CLPTM1: variants seen among roughly 807,000 people sequenced by gnomAD.
The protein encoded by CLPTM1 is putative lipid scramblase CLPTM1.
A neutral mutation model predicts 77.3 loss-of-function variants in CLPTM1; 21 were observed. That is an observed-to-expected ratio of 0.27 (90% CI 0.19 to 0.39). The LOEUF is 0.39. Among genes scored for constraint, CLPTM1 ranks in the 10% least tolerant of loss-of-function variants. CLPTM1 has a pLI of 1.00. For missense variants in CLPTM1, 642 were observed against 921.2 expected (o/e 0.70, Z 3.92); for synonymous variants, 373 against 381.0 (o/e 0.98, Z 0.24).
intron 2 of CLPTM1, among the ~76,000 whole-genome samples, chr19:44,962,755 C>G (rs868655959): frequency 6.6e-6 from 1 of 151,996 alleles, no homozygotes; most frequent in African/African-American, 2.4e-5. Context: ...CATAGTAAGA[C>G]CCTGTCTCTA....
chr19:44,954,830 G>A (rs1970431086), upstream of CLPTM1: 1 of 1,198,998 alleles, frequency 8.3e-7, no homozygotes, highest in African/African-American at 1.5e-5. Context: ...TAAAAACACA[G>A]AAAGGATATG....
chr19:44,970,484 C>T (rs1970701032), intron 2 of CLPTM1, among the ~76,000 whole-genome samples: 2 of 140,872 alleles, frequency 1.4e-5, no homozygotes, highest in South Asian at 4.6e-4. Context: ...ACTGCAGCCT[C>T]GACCTCCTGG....
chr19:44,992,901 A>T lies in CLPTM1; in HGVS notation c.*4A>T, dbSNP rs1382817590. 1 of 1,612,756 alleles carries T rather than the reference A, an allele frequency of 6.2e-7. No individual in the cohort carries two copies. Among genetic ancestry groups the T allele is most frequent in the South Asian group, 1.1e-5 (1 of 91,026 alleles). On this transcript the variant is annotated 3_prime_UTR_variant, in exon 14 of 14. Coordinates refer to ENST00000337392, the MANE Select transcript of CLPTM1 (RefSeq NM_001294.4). The surrounding 1 kb of genome is among the most constrained non-coding windows in gnomAD (Gnocchi z 7.7). ...AGAGGACAAGAAAAAGGATTAGTCG[A>T]GACTGGTCCTCACCTGCTCCGGCTC...
At chr19:44,960,271 C>A (rs1344020537) in intron 1 of CLPTM1, among the ~76,000 whole-genome samples, 1 of 152,200 alleles carries the variant, frequency 6.6e-6, no homozygotes, top group Non-Finnish European at 1.5e-5. Flanking sequence ...TCCCTGTTCC[C>A]AACTCAGTTG....
At chr19:44,987,527 T>A in intron 8 of CLPTM1, 104 bp downstream of exon 8, 1 of 1,460,590 alleles carries the variant, frequency 6.8e-7, no homozygotes, top group Non-Finnish European at 9.3e-7. Flanking sequence ...CGCCTGGTGC[T>A]CCTCTGCCCA....
rs926816880 is a variant in CLPTM1 at position 44,955,457 on chromosome 19, G to C, written c.62G>C (p.Ser21Thr). 8 of 1,330,444 alleles carry C rather than the reference G, an allele frequency of 6.0e-6. No homozygotes were observed. Among genetic ancestry groups the C allele is most frequent in the East Asian group, 6.0e-5 (2 of 33,222 alleles). 82.4% of individuals were successfully genotyped at this position (1,330,444 alleles called of 1,614,324 possible). A position where few individuals can be genotyped will look rare whatever the true frequency, so the allele number is the denominator to read the frequency against. ...RSAVVAAGGG[S>T]SGQVTSNGSI... is the part of the protein sequence containing the mutation. ...GCCGTGGTGGCGGCCGGGGGAGGCAGCTCCGGTCAGGTACGGAGGCCGAGA... is the reference window on the plus strand; with the variant it reads ...GCCGTGGTGGCGGCCGGGGGAGGCACCTCCGGTCAGGTACGGAGGCCGAGA... The change falls in exon 1 of 14, where the codon AGC (serine) becomes ACC (threonine). Residue 21 changes from serine to threonine, a missense_variant. Ser to Thr is a moderately conservative substitution (Grantham distance 58). This residue lies in a region of CLPTM1 where 121 missense variants were observed against 120.8 expected (regional missense o/e 1.00). Coordinates refer to ENST00000337392, the MANE Select transcript of CLPTM1 (RefSeq NM_001294.4).
intron 2 of CLPTM1, among the ~76,000 whole-genome samples, chr19:44,969,060 C>G (rs1970678333): frequency 6.6e-6 from 1 of 152,196 alleles, no homozygotes; most frequent in Admixed American, 6.5e-5. Flanking sequence ...TAGTGTTTTT[C>G]TGCTCCAAAG....
At chr19:44,971,697 TACA>T (rs1970720412) in intron 2 of CLPTM1, among the ~76,000 whole-genome samples, 1 of 152,032 alleles carries the variant, frequency 6.6e-6, no homozygotes, top group Non-Finnish European at 1.5e-5. Flanking sequence ...TAGCTGGGAC[TACA>T]GGCATGGGCC....
At chr19:44,976,550 C>T (rs1314499254) in intron 4 of CLPTM1, among the ~76,000 whole-genome samples, 2 of 152,234 alleles carry the variant, frequency 1.3e-5, no homozygotes, top group Non-Finnish European at 2.9e-5. Flanking sequence ...AATTCGAGCT[C>T]TGCACAAGGA....
chr19:44,971,932 G>A (rs532685349), intron 2 of CLPTM1, among the ~76,000 whole-genome samples: 53 of 147,480 alleles, frequency 3.6e-4, no homozygotes, highest in Non-Finnish European at 7.1e-4. Context: ...GGGCAGTGGC[G>A]CAATCTCGGC....
intron 9 of CLPTM1, among the ~76,000 whole-genome samples, chr19:44,988,518 G>A (rs954473514): frequency 6.6e-6 from 1 of 152,232 alleles, no homozygotes; most frequent in African/African-American, 2.4e-5. Context: ...GCTGCGGGAG[G>A]CCGCTTAGGG....
chr19:44,976,312 G>A (rs1017264270), intron 4 of CLPTM1, among the ~76,000 whole-genome samples: 1 of 152,190 alleles, frequency 6.6e-6, no homozygotes, highest in African/African-American at 2.4e-5. Context: ...TCAGGGTGGG[G>A]TCCAAGTGGA....
At position 44,964,298 on chromosome 19, in the gene CLPTM1, CTTTTTTT is replaced by C. The variant is rs35539206; in HGVS notation, c.185+2247_185+2253del. ...TTTTAACCTATGTTTTCATTTTAACCTTTTTTTTTTTTTTTTTTTTTTTTTTTTTTGA... is the reference window on the plus strand; with the variant it reads ...TTTTAACCTATGTTTTCATTTTAACCTTTTTTTTTTTTTTTTTTTTTTTGA... On this transcript the variant is annotated intron_variant, in intron 2 of 13. Transcript: ENST00000337392. Among the ~76,000 whole-genome samples, 17 of 68,148 alleles carry C rather than the reference CTTTTTTT, an allele frequency of 2.5e-4. No individual in the cohort carries two copies. The South Asian group carries it at 6.1e-3, about 24-fold the overall frequency. 44.7% of individuals were successfully genotyped at this position (68,148 alleles called of 152,430 possible). A position where few individuals can be genotyped will look rare whatever the true frequency, so the allele number is the denominator to read the frequency against.
At chr19:44,986,354 T>C in intron 6 of CLPTM1, 101 bp from the exon 7 acceptor site, 1 of 1,443,250 alleles carries the variant, frequency 6.9e-7, no homozygotes, top group Non-Finnish European at 9.4e-7. Context: ...AAAGCAAAGA[T>C]TAAGATTTTC....
At chr19:44,987,573 G>A (rs992188050) in intron 8 of CLPTM1, 150 bp downstream of exon 8, 5 of 1,090,780 alleles carry the variant, frequency 4.6e-6, no homozygotes, top group Middle Eastern at 2.1e-4. Context: ...TCTCCACAGT[G>A]AAAGGAAGTG....
chr19:44,976,262 G>C (rs1970804411), intron 4 of CLPTM1, among the ~76,000 whole-genome samples: 1 of 152,198 alleles, frequency 6.6e-6, no homozygotes, highest in East Asian at 1.9e-4. Context: ...AGGCCCAGCA[G>C]GGGGATCTGC....
At chr19:44,971,867 C>CAT (rs1555721133) in intron 2 of CLPTM1, among the ~76,000 whole-genome samples, 1 of 83,288 alleles carries the variant, frequency 1.2e-5, no homozygotes, top group Non-Finnish European at 2.1e-5. Context: ...CCCAATTATA[C>CAT]TTTTTTTTTT....
intron 1 of CLPTM1, among the ~76,000 whole-genome samples, chr19:44,958,451 A>G (rs1970497060): frequency 6.6e-6 from 1 of 151,338 alleles, no homozygotes; most frequent in Non-Finnish European, 1.5e-5. Flanking sequence ...GGCTCACTGC[A>G]ACCTCCGTCT....
rs1199356881 is a variant in CLPTM1, at chr19:44,991,837, T to C, written c.1556-396T>C. Among the ~76,000 whole-genome samples, 1 of 151,920 alleles carries C rather than the reference T, an allele frequency of 6.6e-6. No individual in the cohort carries two copies. The highest frequency in any genetic ancestry group is 1.9e-4 in the East Asian group (1 of 5,178). On this transcript the variant is annotated intron_variant, in intron 12 of 13. Coordinates refer to ENST00000337392, the MANE Select transcript of CLPTM1 (RefSeq NM_001294.4). This position sits in a 1 kb window ranked among gnomAD's most constrained non-coding sequence, Gnocchi z 5.4. ...GGAGGATCCCTTGAGTCCAGGAGGT[T>C]GAAGCTGCAGTGAGCCATGATTACG...
Sources: gnomAD v4.1 joint callset for allele counts (sites outside exome capture counted in the v4.1 genomes callset) on GRCh38, gnomAD v4.1.1 for gene constraint, gnomAD v4.1.1 regional missense constraint, Gnocchi (gnomAD v3.1) non-coding constraint, MANE v1.5 for transcripts, NCBI Gene and HGNC (gene_info 2026-07-23, HGNC 2026-07-21) for gene names.